The following WWOX variants were observed in gnomAD, a reference collection of about 807,000 sequenced individuals.
The protein encoded by WWOX is WW domain containing oxidoreductase.
WWOX carries 69 observed loss-of-function variants against 46.2 expected under a neutral mutation model. The observed-to-expected ratio is 1.49, with a 90% CI of 1.23 to 1.82. The LOEUF (loss-of-function observed/expected upper bound fraction) is 1.82. Ranked by LOEUF, WWOX falls within the 40% of genes most tolerant of loss-of-function variation. The pLI is 0.00. For missense variants in WWOX, 919 were observed against 542.6 expected (o/e 1.69, Z -6.89); for synonymous variants, 359 against 202.6 (o/e 1.77, Z -6.56).
chr16:78,993,425 C>G (rs930519850), intron 8 of WWOX, among the ~76,000 whole-genome samples: 5 of 152,134 alleles, frequency 3.3e-5, no homozygotes, highest in African/African-American at 7.2e-5. Flanking sequence ...CCTCTCCTCT[C>G]GGACATGACA....
intron 8 of WWOX, among the ~76,000 whole-genome samples, chr16:79,087,971 A>C (rs62038831): frequency 6.6e-6 from 1 of 152,012 alleles, no homozygotes; most frequent in East Asian, 2.0e-4. Flanking sequence ...CTCCACTACC[A>C]TCTCCTTGGC....
chr16:78,823,763 G>A (rs1288129574), intron 8 of WWOX, among the ~76,000 whole-genome samples: 2 of 146,930 alleles, frequency 1.4e-5, no homozygotes, highest in Non-Finnish European at 3.0e-5. Context: ...TGGCTACCCT[G>A]AGCTTTCTAG....
chr16:78,136,268 T>C (rs917719038), intron 4 of WWOX, among the ~76,000 whole-genome samples: 2 of 152,206 alleles, frequency 1.3e-5, no homozygotes, highest in African/African-American at 4.8e-5. Flanking sequence ...GATATCCCTA[T>C]GCTTTTAAAA....
At chr16:78,771,781 A>AAATG (rs2050070736) in intron 8 of WWOX, among the ~76,000 whole-genome samples, 1 of 116,430 alleles carries the variant, frequency 8.6e-6, no homozygotes, top group Admixed American at 8.2e-5. Flanking sequence ...CACAATAAAT[A>AAATG]AATAAATAAA....
intron 5 of WWOX, among the ~76,000 whole-genome samples, chr16:78,220,447 T>C (rs1251509823): frequency 2.0e-5 from 3 of 152,168 alleles, no homozygotes; most frequent in Non-Finnish European, 4.4e-5. Flanking sequence ...TGCTAAGTAA[T>C]ACTTAAAGGC....
chr16:78,751,461 T>TGA (rs1555528822), intron 8 of WWOX, among the ~76,000 whole-genome samples: 1 of 128,438 alleles, frequency 7.8e-6, no homozygotes, highest in Non-Finnish European at 1.6e-5. Context: ...TTATCAGATT[T>TGA]TATATATATA....
chr16:78,121,224 A>T (rs1245908241), intron 4 of WWOX, among the ~76,000 whole-genome samples: 4 of 152,210 alleles, frequency 2.6e-5, no homozygotes, highest in Admixed American at 2.0e-4. Flanking sequence ...TAATCGAAAT[A>T]ACCTTTTGGG....
intron 8 of WWOX, among the ~76,000 whole-genome samples, chr16:78,732,783 C>G (rs1597509768): frequency 6.6e-6 from 1 of 152,094 alleles, no homozygotes; most frequent in Non-Finnish European, 1.5e-5. Flanking sequence ...GGACTGTTTT[C>G]TTATGGTTTT....
chr16:78,774,138 C>T (rs1292752412), intron 8 of WWOX, among the ~76,000 whole-genome samples: 1 of 152,176 alleles, frequency 6.6e-6, no homozygotes, highest in Non-Finnish European at 1.5e-5. Flanking sequence ...TGCAGTGACT[C>T]ATCCCTGCAA....
At chr16:78,197,678 C>G (rs568968634) in intron 5 of WWOX, among the ~76,000 whole-genome samples, 1 of 152,208 alleles carries the variant, frequency 6.6e-6, no homozygotes, top group East Asian at 1.9e-4. Flanking sequence ...TATTGCATGC[C>G]AAACGTTTAT....
chr16:78,669,626 T>C (rs768229708), intron 8 of WWOX, among the ~76,000 whole-genome samples: 2 of 152,186 alleles, frequency 1.3e-5, no homozygotes, highest in Admixed American at 6.5e-5. Context: ...AATGAGTCAG[T>C]TTCAGATATC....
intron 8 of WWOX, among the ~76,000 whole-genome samples, chr16:78,550,525 A>G (rs374083975): frequency 2.3e-4 from 35 of 152,356 alleles, no homozygotes; most frequent in Non-Finnish European, 1.2e-4. Context: ...ACATAATTTC[A>G]AAAATCATTT....
chr16:78,825,692 T>A, intron 8 of WWOX: 1 of 546,784 alleles, frequency 1.8e-6, no homozygotes, highest in Non-Finnish European at 3.5e-6. Context: ...CTGTGGTTTC[T>A]GGGAGACTCT....
intron 4 of WWOX, among the ~76,000 whole-genome samples, chr16:78,129,506 G>A (rs2033504314): frequency 1.3e-5 from 2 of 152,140 alleles, no homozygotes; most frequent in African/African-American, 2.4e-5. Context: ...CTGCCGTTGT[G>A]TGTGCAGTCC....
intron 8 of WWOX, among the ~76,000 whole-genome samples, chr16:79,162,319 G>GT (rs1352051237): frequency 7.2e-5 from 11 of 152,228 alleles, no homozygotes; most frequent in African/African-American, 2.4e-5. Context: ...TCAAAGTACA[G>GT]TTTCCTGCCT....
intron 8 of WWOX, among the ~76,000 whole-genome samples, chr16:78,645,348 C>T (rs2046814642): frequency 6.6e-6 from 1 of 152,090 alleles, no homozygotes; most frequent in African/African-American, 2.4e-5. Flanking sequence ...GGGTGGCTTA[C>T]ATACCATGAA....
intron 5 of WWOX, among the ~76,000 whole-genome samples, chr16:78,197,298 A>C (rs1056407448): frequency 3.3e-5 from 5 of 152,236 alleles, no homozygotes; most frequent in Admixed American, 2.0e-4. Flanking sequence ...CACAGTTTCT[A>C]ATACGATATT....
At chr16:79,165,903 G>A (rs1480340290) in intron 8 of WWOX, among the ~76,000 whole-genome samples, 1 of 152,106 alleles carries the variant, frequency 6.6e-6, no homozygotes, top group Non-Finnish European at 1.5e-5. Context: ...CATAACCAAG[G>A]TCATACTAAT....
At chr16:78,925,626 T>C (rs1300515163) in intron 8 of WWOX, among the ~76,000 whole-genome samples, 4 of 152,196 alleles carry the variant, frequency 2.6e-5, no homozygotes, top group African/African-American at 9.6e-5. Context: ...TTCTGCTTCG[T>C]CAAACTGTAC....
Sources: gnomAD v4.1 joint callset for allele counts (sites outside exome capture counted in the v4.1 genomes callset) on GRCh38, gnomAD v4.1.1 for gene constraint, MANE v1.5 for transcripts, NCBI Gene and HGNC (gene_info 2026-07-23, HGNC 2026-07-21) for gene names.